MYO9B: variants seen among roughly 807,000 people sequenced by gnomAD.
MYO9B encodes unconventional myosin-IXb.
In MYO9B, 71 loss-of-function variants were observed where a neutral mutation model predicts 229.5. The ratio of observed to expected loss-of-function variants is 0.31; its 90% CI spans 0.26 to 0.38. The LOEUF is 0.38. Among genes scored for constraint, MYO9B ranks in the 10% least tolerant of loss-of-function variants. MYO9B has a pLI of 1.00. For synonymous variants in MYO9B, 1,185 were observed against 1,235.8 expected, an observed-to-expected ratio of 0.96 and a Z score of 0.86; for missense variants, 2,255 against 2,920.5, an observed-to-expected ratio of 0.77 and a Z score of 5.25.
intron 1 of MYO9B, among the ~76,000 whole-genome samples, chr19:17,084,396 A>G (rs1361652948): frequency 9.2e-5 from 14 of 152,196 alleles, no homozygotes; most frequent in Non-Finnish European, 1.6e-4. Context: ...GTGTGAGGAA[A>G]GAATCAATTT....
intron 2 of MYO9B, among the ~76,000 whole-genome samples, chr19:17,110,706 G>A (rs2057839435): frequency 6.6e-6 from 1 of 152,144 alleles, no homozygotes; most frequent in South Asian, 2.1e-4. Flanking sequence ...TGGAGCCCCT[G>A]TGGCCCGGCC....
At chr19:17,151,504 A>G (rs145205862) in intron 3 of MYO9B, among the ~76,000 whole-genome samples, 115 of 152,290 alleles carry the variant, frequency 7.6e-4, no homozygotes, top group Non-Finnish European at 5.9e-5. Flanking sequence ...AAAAGGACCA[A>G]CACCCAATAA....
chr19:17,144,626 G>T (rs2072384121), intron 2 of MYO9B, among the ~76,000 whole-genome samples: 1 of 151,614 alleles, frequency 6.6e-6, no homozygotes, highest in African/African-American at 2.4e-5. Context: ...GAAAGAAAAT[G>T]GGCTACTCTC....
intron 3 of MYO9B, among the ~76,000 whole-genome samples, chr19:17,148,309 C>T (rs2072438271): frequency 6.6e-6 from 1 of 152,180 alleles, no homozygotes; most frequent in Non-Finnish European, 1.5e-5. Context: ...GCATGGGCAC[C>T]GCCCCCTTTC....
intron 2 of MYO9B, among the ~76,000 whole-genome samples, chr19:17,136,586 G>T (rs2072272374): frequency 6.6e-6 from 1 of 151,902 alleles, no homozygotes. Context: ...GACATTCTTT[G>T]GTTATCCCAG....
At chr19:17,145,877 G>A (rs1370009921) in intron 3 of MYO9B, among the ~76,000 whole-genome samples, 1 of 152,186 alleles carries the variant, frequency 6.6e-6, no homozygotes, top group African/African-American at 2.4e-5. Flanking sequence ...GAGCTGCAAA[G>A]TGAGGTGGTC....
chr19:17,098,654 C>A (rs1270838259), intron 1 of MYO9B, among the ~76,000 whole-genome samples: 1 of 152,146 alleles, frequency 6.6e-6, no homozygotes, highest in Admixed American at 6.5e-5. Flanking sequence ...CTTGGCCGGG[C>A]ACAGTCACTC....
chr19:17,101,263 G>A lies in MYO9B; in HGVS notation c.-58-397G>A, dbSNP rs1024466458. Among the ~76,000 whole-genome samples, 2 of 151,736 alleles carry A rather than the reference G, an allele frequency of 1.3e-5. No individual in the cohort carries two copies. Among genetic ancestry groups the A allele is most frequent in the South Asian group, 2.1e-4 (1 of 4,812 alleles). ...TATAATCATGGCTCACTGCAGCCTC[G>A]ATCTCCTGGGTTCAAGTGATCCTCC... On this transcript the variant is annotated intron_variant, in intron 1 of 39. Coordinates refer to ENST00000682292, the MANE Select transcript of MYO9B (RefSeq NM_004145.4). This position sits in a 1 kb window ranked among gnomAD's most constrained non-coding sequence, Gnocchi z 4.7.
intron 13 of MYO9B, among the ~76,000 whole-genome samples, chr19:17,175,191 T>C (rs1343915127): frequency 2.0e-5 from 3 of 150,860 alleles, no homozygotes; most frequent in African/African-American, 7.3e-5. Flanking sequence ...GAGGATTGCT[T>C]GAGCCCAGGA....
chr19:17,158,300 G>A (rs750843153), intron 7 of MYO9B, among the ~76,000 whole-genome samples: 4 of 152,172 alleles, frequency 2.6e-5, no homozygotes, highest in Admixed American at 1.3e-4. Flanking sequence ...AGCCAGGCAC[G>A]GTGGCTCACG....
intron 7 of MYO9B, among the ~76,000 whole-genome samples, chr19:17,158,430 AC>A (rs2072560523): frequency 5.9e-5 from 9 of 152,096 alleles, no homozygotes; most frequent in Admixed American, 5.9e-4. Flanking sequence ...CCCCATCTCT[AC>A]TAAAAATACA....
Position 17,181,040 on chromosome 19 carries a change from T to C in MYO9B, c.2333T>C (p.Leu778Pro), listed in dbSNP as rs556630215. The C allele has an allele frequency of 1.4e-5, 22 of 1,600,716 alleles. No homozygotes were observed. In the East Asian group the frequency reaches 3.2e-4, roughly 23 times the overall value. The change falls in exon 15 of 40, where the codon CTG becomes CCG. Residue 778 changes from leucine (L) to proline (P), a missense_variant and splice_region_variant. This residue lies in a region of MYO9B where 155 missense variants were observed against 159.1 expected (regional missense o/e 0.97). Coordinates refer to ENST00000682292, the MANE Select transcript of MYO9B (RefSeq NM_004145.4). ...CTCCAGAAACCCCGCGCCTTCATCC[T>C]GTGAGTCCCCCACCAAGGCCCTGCT... ...SRLQKPRAFI[L>P]KSKGIKQKQI...
Position 17,181,047 on chromosome 19 carries a change from C to T in MYO9B, c.2333+7C>T, listed in dbSNP as rs1459886691. On this transcript the variant is annotated splice_region_variant and intron_variant, in intron 15 of 39. Transcript: ENST00000682292. Reference sequence around the variant, plus strand: ...AACCCCGCGCCTTCATCCTGTGAGTCCCCCACCAAGGCCCTGCTTACAAGT... The same window carrying T: ...AACCCCGCGCCTTCATCCTGTGAGTTCCCCACCAAGGCCCTGCTTACAAGT... 1.3e-6 allele frequency: 2 copies of T among 1,591,546 alleles called. No individual in the cohort carries two copies. The highest frequency in any genetic ancestry group is 2.3e-5 in the East Asian group (1 of 44,394).
intron 28 of MYO9B, among the ~76,000 whole-genome samples, 189 bp from the exon 29 acceptor site, chr19:17,202,653 C>T (rs1218657656): frequency 6.6e-6 from 1 of 152,192 alleles, no homozygotes; most frequent in East Asian, 1.9e-4. Context: ...GTGGGGAGCC[C>T]TGCACCCTCC....
rs763059312 is a variant in MYO9B at position 17,192,768 on chromosome 19, G to A, written c.2834G>A (p.Arg945Gln). ...KTKVFLKETERQALQETLHRE... is the reference protein window; with the variant it reads ...KTKVFLKETEQQALQETLHRE... ...CAGGTCTTCCTGAAGGAGACGGAGC[G>A]GCAAGCCCTGCAGGAGACGCTGCAC... Residue 945 changes from arginine to glutamine, a missense_variant, in exon 21 of 40, where the codon CGG becomes CAG. Coordinates refer to ENST00000682292, the MANE Select transcript of MYO9B (RefSeq NM_004145.4). 21 of 1,551,726 alleles carry A rather than the reference G, an allele frequency of 1.4e-5. No individual in the cohort carries two copies. The highest frequency in any genetic ancestry group is 3.9e-5 in the Admixed American group (2 of 51,924).
rs1017344987 is a variant in MYO9B, at chr19:17,212,553, C to T, written c.*243C>T. ...ACCTGTGGGGAGCACCACATCTCCA[C>T]CTGCGGCCTCACATCTCCCCACTCC... On this transcript the variant is annotated 3_prime_UTR_variant, in exon 40 of 40. Transcript: ENST00000682292. The surrounding 1 kb of genome is among the most constrained non-coding windows in gnomAD (Gnocchi z 5.4). 4.4e-6 allele frequency: 2 copies of T among 452,268 alleles called. No homozygotes were observed. Among genetic ancestry groups the T allele is most frequent in the Admixed American group, 4.0e-5 (1 of 25,256 alleles). The allele number at this position is 452,268 out of a possible 1,614,324, so 28.0% of individuals were successfully genotyped here. A position where few individuals can be genotyped will look rare whatever the true frequency, so the allele number is the denominator to read the frequency against.
chr19:17,178,696 G>A (rs545604651), intron 14 of MYO9B, among the ~76,000 whole-genome samples: 2 of 152,102 alleles, frequency 1.3e-5, no homozygotes, highest in Non-Finnish European at 2.9e-5. Context: ...ACAAAATGAA[G>A]CGAGTAAGGT....
chr19:17,169,496 A>G (rs149759935), intron 11 of MYO9B, among the ~76,000 whole-genome samples: 12,009 of 151,916 alleles, frequency 0.079, 513 homozygotes, highest in South Asian at 0.088. Flanking sequence ...GCGGGTGCCT[A>G]TAATTCCAGC....
In MYO9B at chr19:17,172,780, G is replaced by GACTACATGCGGCCAGACATCGTGGCAGCT; in HGVS notation, c.1982_1983insAGCTACTACATGCGGCCAGACATCGTGGC (p.Leu662AlafsTer64). On this transcript the variant is annotated frameshift_variant, in exon 13 of 40. Transcript: ENST00000682292. LOFTEE classifies it high-confidence loss of function. This position sits in a 1 kb window ranked among gnomAD's most constrained non-coding sequence, Gnocchi z 8.2. Reference sequence around the variant, plus strand: ...CCAGGACTTCCGGGAGAAGAACATGGACTACATGCGGCCAGACATCGTGGC... The same window carrying GACTACATGCGGCCAGACATCGTGGCAGCT: ...CCAGGACTTCCGGGAGAAGAACATGGACTACATGCGGCCAGACATCGTGGCAGCTACTACATGCGGCCAGACATCGTGGC... The GACTACATGCGGCCAGACATCGTGGCAGCT allele has an allele frequency of 6.2e-7, 1 of 1,613,612 alleles. No individual in the cohort carries two copies. The highest frequency in any genetic ancestry group is 1.1e-5 in the South Asian group (1 of 91,084).
Sources: allele counts gnomAD v4.1 joint callset (sites outside exome capture counted in the v4.1 genomes callset), GRCh38; gene constraint gnomAD v4.1.1; regional missense constraint gnomAD v4.1.1; non-coding constraint Gnocchi (gnomAD v3.1); transcripts MANE v1.5; gene names NCBI Gene and HGNC (gene_info 2026-07-23, HGNC 2026-07-21).